The following ABCB6 variants were observed in gnomAD, a reference collection of about 807,000 sequenced individuals.
ABCB6 encodes the protein ATP binding cassette subfamily B member 6 (LAN blood group).
In ABCB6, 87 loss-of-function variants were observed where a neutral mutation model predicts 99.4. The observed-to-expected ratio is 0.88, with a 90% CI of 0.74 to 1.05. The LOEUF (loss-of-function observed/expected upper bound fraction) is 1.05. ABCB6 is among the 50% of genes least tolerant of loss of function. The probability of loss-of-function intolerance (pLI) is 0.00; values close to 1 mark genes in which losing one functional copy is unlikely to be tolerated. For synonymous variants in ABCB6, 482 were observed against 447.5 expected, an observed-to-expected ratio of 1.08 and a Z score of -0.97; for missense variants, 1,050 against 1,097.9, an observed-to-expected ratio of 0.96 and a Z score of 0.62.
Position 219,216,479 on chromosome 2 carries a change from G to A in ABCB6, c.869-14C>T, listed in dbSNP as rs1421144429. 3.1e-6 allele frequency: 5 copies of A among 1,612,124 alleles called. No homozygotes were observed. Among genetic ancestry groups the A allele is most frequent in the East Asian group, 2.2e-5 (1 of 44,864 alleles). On this transcript the variant is annotated splice_polypyrimidine_tract_variant and intron_variant, in intron 3 of 18. Coordinates refer to ENST00000265316, the MANE Select transcript of ABCB6 (RefSeq NM_005689.4). The surrounding 1 kb of genome is among the most constrained non-coding windows in gnomAD (Gnocchi z 4.2). ...TCAGCAAGTTCACTGTGGAGGAAAC[G>A]AGTCAGAACCCACTTATGGCGCCCA...
In ABCB6 at chr2:219,211,063, C is replaced by G. The variant is rs372490763; in HGVS notation, c.2014G>C (p.Asp672His). The stretch of plus-strand genomic sequence containing the variant: ...ATGGTGTCATTAAAGAGGACAGTGT[C>G]TTGGGGCACAACTCCAATGTGAGAC... Reference protein sequence around the residue: ...LRSHIGVVPQDTVLFNDTIAD... With the variant: ...LRSHIGVVPQHTVLFNDTIAD... The change falls in exon 15 of 19, where the codon GAC (aspartate) becomes CAC (histidine). Residue 672 changes from aspartate to histidine, a missense_variant. Physicochemically the swap from Asp to His is moderately conservative, Grantham distance 81. Coordinates refer to ENST00000265316, the MANE Select transcript of ABCB6 (RefSeq NM_005689.4). The G allele has an allele frequency of 2.5e-6, 4 of 1,614,172 alleles. No individual in the cohort carries two copies. The highest frequency in any genetic ancestry group is 3.4e-6 in the Non-Finnish European group (4 of 1,180,050).
chr2:219,218,869 C>T lies in ABCB6; in HGVS notation c.-196G>A, dbSNP rs1471169516. On this transcript the variant is annotated 5_prime_UTR_variant, in exon 1 of 19. It adds an upstream start codon to the 5' untranslated region. Transcript: ENST00000265316. The stretch of plus-strand genomic sequence containing the variant: ...TCCCCTAGCGCACGCGCCGCCGCCA[C>T]GCACTCACGCAGGGCACGTACGCCG... The T allele has an allele frequency of 2.1e-5, 12 of 576,720 alleles. No homozygotes were observed. Among genetic ancestry groups the T allele is most frequent in the Non-Finnish European group, 3.2e-5 (11 of 344,452 alleles). The allele number at this position is 576,720 out of a possible 1,614,324, so 35.7% of individuals were successfully genotyped here. A position where few individuals can be genotyped will look rare whatever the true frequency, so the allele number is the denominator to read the frequency against.
rs868199730 is a variant in ABCB6, at chr2:219,213,240, C to T, written c.1805+1G>A. The T allele has an allele frequency of 3.1e-6, 5 of 1,614,156 alleles. No individual in the cohort carries two copies. Among genetic ancestry groups the T allele is most frequent in the Non-Finnish European group, 4.2e-6 (5 of 1,180,016 alleles). ...CAAAGGAAGCAAAAGGAAGGCCTCA[C>T]CCATCGGCATAGCTGAAGTGCACGT... On this transcript the variant is annotated splice_donor_variant, in intron 12 of 18. Transcript: ENST00000265316. LOFTEE classifies it high-confidence loss of function.
Position 219,218,300 on chromosome 2 carries a change from A to G in ABCB6, c.374T>C (p.Leu125Pro). ...CCGTGCCTGGCTCCGCTCCACGACAAGCAGCCACAGGCCACAGGCGCCGGC... is the reference window on the plus strand; with the variant it reads ...CCGTGCCTGGCTCCGCTCCACGACAGGCAGCCACAGGCCACAGGCGCCGGC... The part of the protein sequence containing the change: ...SLAGACGLWL[L>P]VVERSQARQR... The change falls in exon 1 of 19, where the codon CTT (leucine) becomes CCT (proline). Residue 125 changes from leucine (L) to proline (P), a missense_variant. Leu to Pro is a moderately conservative substitution (Grantham distance 98). Transcript: ENST00000265316. 6.2e-7 allele frequency: 1 copy of G among 1,613,170 alleles called. No individual in the cohort carries two copies. The highest frequency in any genetic ancestry group is 8.5e-7 in the Non-Finnish European group (1 of 1,180,026).
Position 219,214,999 on chromosome 2 carries a change from A to G in ABCB6, c.1238T>C (p.Phe413Ser). The G allele has an allele frequency of 6.2e-7, 1 of 1,614,176 alleles. No individual in the cohort carries two copies. ...CATGCACAGGAACACAATGAGGCCA[A>G]ACCAGGCGTTGAAGAACATGCTGAA... Reference protein sequence around the residue: ...IYFSMFFNAWFGLIVFLCMSL... With the variant: ...IYFSMFFNAWSGLIVFLCMSL... Residue 413 changes from phenylalanine to serine, a missense_variant, in exon 6 of 19, where the codon TTT becomes TCT. Coordinates refer to ENST00000265316, the MANE Select transcript of ABCB6 (RefSeq NM_005689.4).
chr2:219,214,373 C>T lies in ABCB6; in HGVS notation c.1386+16G>A. 1 of 1,606,092 alleles carries T rather than the reference C, an allele frequency of 6.2e-7. No homozygotes were observed. The highest frequency in any genetic ancestry group is 8.5e-7 in the Non-Finnish European group (1 of 1,172,632). ...ATCTCCACGCCTCACACCACTGCCA[C>T]CGGGCCCTCTGTTACCGTCTCGAAG... On this transcript the variant is annotated intron_variant, in intron 7 of 18. Transcript: ENST00000265316.
In ABCB6 at chr2:219,216,386, C is replaced by A. The variant is rs755325491; in HGVS notation, c.948G>T (p.Gln316His). Reference sequence around the variant, plus strand: ...TACCTGTACTGCCAGTGCCACCCCCCTGGAGGAACTTGAGGAAGACGTAAC... The same window carrying A: ...TACCTGTACTGCCAGTGCCACCCCCATGGAGGAACTTGAGGAAGACGTAAC... ...VTSYVFLKFL[Q>H]GGGTGSTGFV... Residue 316 changes from glutamine (Q) to histidine (H), a missense_variant, in exon 4 of 19, where the codon CAG becomes CAT. Coordinates refer to ENST00000265316, the MANE Select transcript of ABCB6 (RefSeq NM_005689.4). The surrounding 1 kb of genome is among the most constrained non-coding windows in gnomAD (Gnocchi z 4.2). 1 of 1,614,064 alleles carries A rather than the reference C, an allele frequency of 6.2e-7. No homozygotes were observed. The highest frequency in any genetic ancestry group is 8.5e-7 in the Non-Finnish European group (1 of 1,179,978).
Position 219,210,286 on chromosome 2 carries a change from C to A in ABCB6, c.2364G>T (p.Val788=). 2 of 1,614,198 alleles carry A rather than the reference C, an allele frequency of 1.2e-6. No homozygotes were observed. Among genetic ancestry groups the A allele is most frequent in the South Asian group, 2.2e-5 (2 of 91,084 alleles). ...TGACGAGGATCTGGTCAGCATTGAC[C>A]ACAGTTGAGAGCCTGAGAAGTCAAA... ...TIVVAHRLST[V]VNADQILVIK... is the part of the protein sequence containing the mutation. The change falls in exon 18 of 19, where the codon GTG becomes GTT. Residue 788 remains valine (V), a synonymous_variant. Coordinates refer to ENST00000265316, the MANE Select transcript of ABCB6 (RefSeq NM_005689.4).
intron 1 of ABCB6, 97 bp downstream of exon 1, chr2:219,218,028 A>G: frequency 6.9e-7 from 1 of 1,459,366 alleles, no homozygotes; most frequent in Non-Finnish European, 9.2e-7. Flanking sequence ...CTTTGCTTAG[A>G]GGCATCCTAA....
chr2:219,218,031 C>G (rs1330649874), intron 1 of ABCB6, 94 bp downstream of exon 1: 1 of 1,465,912 alleles, frequency 6.8e-7, no homozygotes, highest in South Asian at 1.4e-5. Flanking sequence ...TGCTTAGAGG[C>G]ATCCTAAAGC....
chr2:219,216,312 T>C lies in ABCB6; in HGVS notation c.970+52A>G. The C allele has an allele frequency of 6.3e-7, 1 of 1,593,466 alleles. No individual in the cohort carries two copies. The highest frequency in any genetic ancestry group is 8.6e-7 in the Non-Finnish European group (1 of 1,162,082). On this transcript the variant is annotated intron_variant, in intron 4 of 18. Transcript: ENST00000265316. This position sits in a 1 kb window ranked among gnomAD's most constrained non-coding sequence, Gnocchi z 4.2. ...CTGGGAGAGGCGGATGCTGAGGGAA[T>C]GCCTGTGGGAGGGACCTATACCTAG...
chr2:219,217,060 T>C (rs1950650330), intron 2 of ABCB6, among the ~76,000 whole-genome samples: 1 of 152,184 alleles, frequency 6.6e-6, no homozygotes, highest in Non-Finnish European at 1.5e-5. Flanking sequence ...GACTCCAGGA[T>C]TCAGAAACTG....
In ABCB6 at chr2:219,214,389, C is replaced by G; in HGVS notation, c.1386G>C (p.Thr462=). The change falls in exon 7 of 19, where the codon ACG becomes ACC. Residue 462 remains threonine, a splice_region_variant and synonymous_variant. Coordinates refer to ENST00000265316, the MANE Select transcript of ABCB6 (RefSeq NM_005689.4). The part of the protein sequence containing the change: ...RAVDSLLNFE[T]VKYYNAESYE... Reference sequence around the variant, plus strand: ...CCACTGCCACCGGGCCCTCTGTTACCGTCTCGAAGTTTAGCAGAGAGTCCA... The same window carrying G: ...CCACTGCCACCGGGCCCTCTGTTACGGTCTCGAAGTTTAGCAGAGAGTCCA... The G allele has an allele frequency of 6.2e-7, 1 of 1,613,090 alleles. No homozygotes were observed. The highest frequency in any genetic ancestry group is 8.5e-7 in the Non-Finnish European group (1 of 1,179,012).
chr2:219,212,322 G>T, intron 14 of ABCB6, 65 bp downstream of exon 14: 2 of 1,402,376 alleles, frequency 1.4e-6, no homozygotes, highest in Non-Finnish European at 1.0e-6. Context: ...TCTCTGGACA[G>T]CCAGCCCTTA....
chr2:219,212,585 C>CG, intron 13 of ABCB6, 94 bp from the exon 14 acceptor site: 1 of 907,388 alleles, frequency 1.1e-6, no homozygotes. Flanking sequence ...TGCAATGGCG[C>CG]GATCTCAGCT....
At chr2:219,212,725 T>C (rs1478187757) in intron 13 of ABCB6, among the ~76,000 whole-genome samples, 2 of 152,154 alleles carry the variant, frequency 1.3e-5, no homozygotes, top group Non-Finnish European at 2.9e-5. Flanking sequence ...TTTCACCATG[T>C]TGGTCAGGCT....
In ABCB6 at chr2:219,216,301, T is replaced by G; in HGVS notation, c.970+63A>C. ...GGGGAGGAATGCTGGGAGAGGCGGA[T>G]GCTGAGGGAATGCCTGTGGGAGGGA... On this transcript the variant is annotated intron_variant, in intron 4 of 18. Coordinates refer to ENST00000265316, the MANE Select transcript of ABCB6 (RefSeq NM_005689.4). The surrounding 1 kb of genome is among the most constrained non-coding windows in gnomAD (Gnocchi z 4.2). The G allele has an allele frequency of 6.3e-7, 1 of 1,591,000 alleles. No homozygotes were observed. Among genetic ancestry groups the G allele is most frequent in the Non-Finnish European group, 8.6e-7 (1 of 1,160,542 alleles).
In ABCB6 at chr2:219,216,335, T is replaced by G; in HGVS notation, c.970+29A>C. 6.2e-7 allele frequency: 1 copy of G among 1,603,706 alleles called. No individual in the cohort carries two copies. Among genetic ancestry groups the G allele is most frequent in the Non-Finnish European group, 8.5e-7 (1 of 1,170,798 alleles). ...AATGCCTGTGGGAGGGACCTATACCTAGCAGGGTGAGGGCGGAGTCTCTCA... is the reference window on the plus strand; with the variant it reads ...AATGCCTGTGGGAGGGACCTATACCGAGCAGGGTGAGGGCGGAGTCTCTCA... On this transcript the variant is annotated intron_variant, in intron 4 of 18. Transcript: ENST00000265316. This position sits in a 1 kb window ranked among gnomAD's most constrained non-coding sequence, Gnocchi z 4.2.
chr2:219,213,199 C>T, intron 12 of ABCB6, 42 bp downstream of exon 12: 1 of 1,610,716 alleles, frequency 6.2e-7, no homozygotes, highest in South Asian at 1.1e-5. Flanking sequence ...AGGCAGTGTG[C>T]AAATGAACGG....
Sources: gnomAD v4.1 joint callset for allele counts (sites outside exome capture counted in the v4.1 genomes callset) on GRCh38, gnomAD v4.1.1 for gene constraint, Gnocchi (gnomAD v3.1) non-coding constraint, MANE v1.5 for transcripts, NCBI Gene and HGNC (gene_info 2026-07-23, HGNC 2026-07-21) for gene names.